The following KCND3 variants were observed in gnomAD, a reference collection of about 807,000 sequenced individuals.
KCND3 encodes the protein potassium voltage-gated channel subfamily D member 3.
Under a neutral mutation model 51.1 loss-of-function variants are expected in KCND3, and 9 were observed. The ratio of observed to expected loss-of-function variants is 0.18; its 90% confidence interval spans 0.11 to 0.31. KCND3 has a LOEUF of 0.31. Among genes scored for constraint, KCND3 ranks in the 10% least tolerant of loss-of-function variants. The pLI is 1.00. For missense variants in KCND3, 526 were observed against 903.8 expected (o/e 0.58, Z 5.36); for synonymous variants, 349 against 368.0 (o/e 0.95, Z 0.59).
chr1:111,895,661 C>A (rs529084695), intron 2 of KCND3, among the ~76,000 whole-genome samples: 1 of 152,202 alleles, frequency 6.6e-6, no homozygotes, highest in Admixed American at 6.5e-5. Context: ...CAGGGGGCTG[C>A]GGAGTAACCC....
At chr1:111,792,487 C>T (rs1327745338) in intron 2 of KCND3, among the ~76,000 whole-genome samples, 1 of 152,182 alleles carries the variant, frequency 6.6e-6, no homozygotes, top group African/African-American at 2.4e-5. Context: ...TGGAAAAGGG[C>T]TGTGAGGAGT....
At chr1:111,850,788 G>C (rs1159081310) in intron 2 of KCND3, among the ~76,000 whole-genome samples, 1 of 146,292 alleles carries the variant, frequency 6.8e-6, no homozygotes, top group African/African-American at 2.5e-5. Context: ...ATTGTTGGCG[G>C]CAGAAAAAGG....
intron 2 of KCND3, among the ~76,000 whole-genome samples, chr1:111,817,648 C>T (rs576369096): frequency 7.2e-5 from 11 of 152,248 alleles, no homozygotes; most frequent in African/African-American, 2.4e-4. Context: ...CTTCTTTCTT[C>T]GGTTTTCTGC....
intron 2 of KCND3, among the ~76,000 whole-genome samples, chr1:111,857,465 T>G (rs961205003): frequency 1.3e-5 from 2 of 152,182 alleles, no homozygotes; most frequent in Non-Finnish European, 1.5e-5. Context: ...AGGCTTCTTT[T>G]GCCAGCATAT....
chr1:111,848,392 T>C (rs1196380669), intron 2 of KCND3, among the ~76,000 whole-genome samples: 2 of 152,216 alleles, frequency 1.3e-5, no homozygotes, highest in Non-Finnish European at 2.9e-5. Flanking sequence ...AATGGAAATG[T>C]CACACAGCCA....
In KCND3 at chr1:111,771,222, C is replaced by A. The variant is rs1445088212; in HGVS notation, c.*4855G>T. ...AGAAAACAAGACTTAAAAGGAACCC[C>A]TTTAAAGCTGTTTCATTTTCTGATA... On this transcript the variant is annotated 3_prime_UTR_variant, in exon 8 of 8. Transcript: ENST00000302127. The A allele has an allele frequency of 6.6e-6, 1 of 152,156 alleles. No individual in the cohort carries two copies. Among genetic ancestry groups the A allele is most frequent in the Non-Finnish European group, 1.5e-5 (1 of 68,028 alleles). 9.4% of individuals were successfully genotyped at this position (152,156 alleles called of 1,614,324 possible). A position where few individuals can be genotyped will look rare whatever the true frequency, so the allele number is the denominator to read the frequency against.
At chr1:111,910,502 G>C (rs1050207331) in intron 2 of KCND3, among the ~76,000 whole-genome samples, 9 of 152,178 alleles carry the variant, frequency 5.9e-5, no homozygotes, top group Admixed American at 2.0e-4. Flanking sequence ...TGTTCTGCTG[G>C]GGAGCAGGAA....
At chr1:111,952,300 T>TACCCA (rs1673098948) in intron 2 of KCND3, among the ~76,000 whole-genome samples, 1 of 152,138 alleles carries the variant, frequency 6.6e-6, no homozygotes, top group South Asian at 2.1e-4. Flanking sequence ...CCCCACTCCC[T>TACCCA]ACCCAACCCT....
chr1:111,975,510 C>A (rs777408249), intron 2 of KCND3, among the ~76,000 whole-genome samples: 38 of 152,176 alleles, frequency 2.5e-4, no homozygotes, highest in Non-Finnish European at 5.0e-4. Context: ...CCACTGCCAC[C>A]ACCCTCAGTC....
At chr1:111,797,347 G>A (rs113809202) in intron 2 of KCND3, among the ~76,000 whole-genome samples, 2,489 of 152,304 alleles carry the variant, frequency 0.016, 70 homozygotes, top group African/African-American at 0.058. Flanking sequence ...GGGAGATCCT[G>A]CCTGTTCATC....
At chr1:111,802,500 C>G (rs2101549359) in intron 2 of KCND3, among the ~76,000 whole-genome samples, 1 of 152,332 alleles carries the variant, frequency 6.6e-6, no homozygotes, top group Non-Finnish European at 1.5e-5. Context: ...GGGGCAGCGA[C>G]TTAGATCTCT....
chr1:111,827,279 A>G (rs1387470376), intron 2 of KCND3, among the ~76,000 whole-genome samples: 1 of 152,252 alleles, frequency 6.6e-6, no homozygotes, highest in African/African-American at 2.4e-5. Context: ...AAGCAGAGAC[A>G]GGAAATACAA....
chr1:111,967,644 T>A (rs1284590949), intron 2 of KCND3, among the ~76,000 whole-genome samples: 2 of 152,142 alleles, frequency 1.3e-5, no homozygotes, highest in Non-Finnish European at 2.9e-5. Flanking sequence ...GGAGAAGAAA[T>A]GGGAATAGAA....
chr1:111,985,686 A>G (rs1675236989), intron 1 of KCND3, among the ~76,000 whole-genome samples: 1 of 152,196 alleles, frequency 6.6e-6, no homozygotes, highest in South Asian at 2.1e-4. Context: ...GAAGAATCCA[A>G]TTCAAGTATC....
At chr1:111,831,197 T>C (rs1666818957) in intron 2 of KCND3, among the ~76,000 whole-genome samples, 1 of 152,256 alleles carries the variant, frequency 6.6e-6, no homozygotes, top group Admixed American at 6.5e-5. Flanking sequence ...ACTCTTGTCC[T>C]GAATGCCTTT....
chr1:111,913,333 A>G (rs1177230665), intron 2 of KCND3, among the ~76,000 whole-genome samples: 1 of 152,284 alleles, frequency 6.6e-6, no homozygotes, highest in East Asian at 1.9e-4. Context: ...TTGCCCAACA[A>G]TCCATTTCTC....
chr1:111,981,987 G>A lies in KCND3; in HGVS notation c.740C>T (p.Ala247Val). ...GATGAAGCGGTAGCGGCTGGGAGCCGCGAAGAGCCGCAGGAGGTACTCCAC... is the reference window on the plus strand; with the variant it reads ...GATGAAGCGGTAGCGGCTGGGAGCCACGAAGAGCCGCAGGAGGTACTCCAC... ...FTVEYLLRLF[A>V]APSRYRFIRS... The change falls in exon 2 of 8, where the codon GCG becomes GTG. Residue 247 changes from alanine (A) to valine (V), a missense_variant. Ala to Val is a moderately conservative substitution (Grantham distance 64). Around this residue, in one of 5 missense-constraint regions of KCND3, gnomAD observed 51 missense variants for 84.7 expected, o/e 0.60. Transcript: ENST00000302127. The surrounding 1 kb of genome is among the most constrained non-coding windows in gnomAD (Gnocchi z 6.2). 6.2e-7 allele frequency: 1 copy of A among 1,613,952 alleles called. No individual in the cohort carries two copies. Among genetic ancestry groups the A allele is most frequent in the Non-Finnish European group, 8.5e-7 (1 of 1,180,018 alleles).
At chr1:111,917,572 C>T (rs1671282883) in intron 2 of KCND3, among the ~76,000 whole-genome samples, 1 of 152,116 alleles carries the variant, frequency 6.6e-6, no homozygotes, top group Admixed American at 6.5e-5. Flanking sequence ...ACGCTCATGC[C>T]CATGTAGGAA....
chr1:111,888,172 G>A (rs1319758552), intron 2 of KCND3, among the ~76,000 whole-genome samples: 1 of 152,258 alleles, frequency 6.6e-6, no homozygotes, highest in African/African-American at 2.4e-5. Context: ...GACTTACGCA[G>A]TGGATGCCTG....
Sources: gnomAD v4.1 joint callset for allele counts (sites outside exome capture counted in the v4.1 genomes callset) on GRCh38, gnomAD v4.1.1 for gene constraint, gnomAD v4.1.1 regional missense constraint, Gnocchi (gnomAD v3.1) non-coding constraint, MANE v1.5 for transcripts, NCBI Gene and HGNC (gene_info 2026-07-23, HGNC 2026-07-21) for gene names.